The following GABRA2 variants were observed in gnomAD, a reference collection of about 807,000 sequenced individuals.
GABRA2 encodes the protein gamma-aminobutyric acid type A receptor subunit alpha2.
Under a neutral mutation model 48.7 loss-of-function variants are expected in GABRA2, and 16 were observed. The ratio of observed to expected loss-of-function variants is 0.33; its 90% confidence interval spans 0.22 to 0.50. The LOEUF is 0.50. GABRA2 is among the 20% of genes least tolerant of loss of function. The probability of loss-of-function intolerance (pLI) is 0.98; values close to 1 mark genes in which losing one functional copy is unlikely to be tolerated. For missense variants in GABRA2, 275 were observed against 535.6 expected (o/e 0.51, Z 4.80); for synonymous variants, 185 against 184.5 (o/e 1.00, Z -0.02).
chr4:46,263,508 T>C (rs990349754), intron 8 of GABRA2, among the ~76,000 whole-genome samples: 1 of 152,136 alleles, frequency 6.6e-6, no homozygotes, highest in Non-Finnish European at 1.5e-5. Flanking sequence ...CATTAAATTA[T>C]CTTGGACACT....
chr4:46,301,319 T>C (rs1252033670), intron 8 of GABRA2, among the ~76,000 whole-genome samples: 1 of 152,108 alleles, frequency 6.6e-6, no homozygotes, highest in African/African-American at 2.4e-5. Flanking sequence ...AACAAAATGG[T>C]TTTGAAAAAG....
intron 8 of GABRA2, among the ~76,000 whole-genome samples, chr4:46,277,584 G>A (rs1259678831): frequency 1.3e-5 from 2 of 152,098 alleles, no homozygotes; most frequent in Non-Finnish European, 2.9e-5. Flanking sequence ...CTTTAGCTTG[G>A]ACAAGCTGGA....
At chr4:46,348,761 T>A (rs555336204) in intron 3 of GABRA2, among the ~76,000 whole-genome samples, 4,541 of 112,456 alleles carry the variant, frequency 0.04, 92 homozygotes, top group Middle Eastern at 0.095. Context: ...AACATCACAC[T>A]CCGGGGACTG....
At chr4:46,301,855 A>G (rs1725800410) in intron 8 of GABRA2, among the ~76,000 whole-genome samples, 1 of 152,176 alleles carries the variant, frequency 6.6e-6, no homozygotes, top group Non-Finnish European at 1.5e-5. Context: ...TACAGTATCT[A>G]ACAAAATAAG....
intron 8 of GABRA2, among the ~76,000 whole-genome samples, chr4:46,264,388 T>C (rs1323058509): frequency 6.6e-6 from 1 of 152,106 alleles, no homozygotes; most frequent in Non-Finnish European, 1.5e-5. Flanking sequence ...GACATCTGTG[T>C]CTTATTTCTG....
rs1428563223 is a variant in GABRA2, at chr4:46,243,710, T to C, written c.*6598A>G. 1 of 151,418 alleles carries C rather than the reference T, an allele frequency of 6.6e-6. No individual in the cohort carries two copies. The highest frequency in any genetic ancestry group is 1.5e-5 in the Non-Finnish European group (1 of 67,576). The allele number at this position is 151,418 out of a possible 1,614,324, so 9.4% of individuals were successfully genotyped here. On this transcript the variant is annotated 3_prime_UTR_variant, in exon 10 of 10. Coordinates refer to ENST00000381620, the MANE Select transcript of GABRA2 (RefSeq NM_000807.4). ...ACAACAAGGTCACAATTACAAATAT[T>C]AGTTCTTGAGTTATTTTCATGAACC...
intron 3 of GABRA2, among the ~76,000 whole-genome samples, chr4:46,355,577 A>G (rs1260847834): frequency 1.3e-5 from 2 of 152,194 alleles, no homozygotes; most frequent in East Asian, 1.9e-4. Flanking sequence ...GAATTGTTAC[A>G]AGTGCCAAGC....
At chr4:46,310,140 A>T (rs1383021838) in intron 6 of GABRA2, 33 bp downstream of exon 6, 1 of 1,533,256 alleles carries the variant, frequency 6.5e-7, no homozygotes, top group Non-Finnish European at 9.0e-7. Flanking sequence ...GATATTATTG[A>T]CCCAAAACAT....
At chr4:46,288,675 T>C (rs113154134) in intron 8 of GABRA2, among the ~76,000 whole-genome samples, 1,825 of 152,140 alleles carry the variant, frequency 0.012, 41 homozygotes, top group African/African-American at 0.042. Flanking sequence ...ATGATGAAGA[T>C]GATAAAAGCA....
At chr4:46,299,551 C>T (rs980870488) in intron 8 of GABRA2, among the ~76,000 whole-genome samples, 1 of 151,444 alleles carries the variant, frequency 6.6e-6, no homozygotes, top group Non-Finnish European at 1.5e-5. Flanking sequence ...TAATAAAAAG[C>T]ATATTTCCAA....
intron 9 of GABRA2, among the ~76,000 whole-genome samples, chr4:46,258,652 G>A (rs1373306656): frequency 2.6e-5 from 4 of 151,708 alleles, no homozygotes; most frequent in African/African-American, 9.7e-5. Flanking sequence ...AACAGAAAAT[G>A]AATAGTGGCA....
At chr4:46,362,813 T>G (rs1158328104) in intron 3 of GABRA2, among the ~76,000 whole-genome samples, 1 of 152,218 alleles carries the variant, frequency 6.6e-6, no homozygotes, top group Non-Finnish European at 1.5e-5. Context: ...TGGCAAAAGA[T>G]AGTAAAGTTA....
Position 46,312,534 on chromosome 4 carries a change from A to C in GABRA2, c.438T>G (p.Leu146=), listed in dbSNP as rs1727825733. The C allele has an allele frequency of 1.2e-6, 2 of 1,607,448 alleles. No homozygotes were observed. The highest frequency in any genetic ancestry group is 3.4e-5 in the Admixed American group (2 of 58,542). The part of the protein sequence containing the change: ...AHNMTMPNKL[L]RIQDDGTLLY... Reference sequence around the variant, plus strand: ...GCAGAGTCCCATCATCCTGAATTCGAAGCAACTTATTTGGCATTGTCATAT... The same window carrying C: ...GCAGAGTCCCATCATCCTGAATTCGCAGCAACTTATTTGGCATTGTCATAT... The change falls in exon 5 of 10, where the codon CTT becomes CTG. Residue 146 remains leucine, a synonymous_variant. Transcript: ENST00000381620.
intron 3 of GABRA2, among the ~76,000 whole-genome samples, chr4:46,349,076 AT>A (rs1734679106): frequency 6.6e-6 from 1 of 151,984 alleles, no homozygotes; most frequent in Non-Finnish European, 1.5e-5. Context: ...GATTGTTGGC[AT>A]TTTTTAGCAA....
chr4:46,267,202 T>C (rs1718422520), intron 8 of GABRA2, among the ~76,000 whole-genome samples: 1 of 152,136 alleles, frequency 6.6e-6, no homozygotes, highest in South Asian at 2.1e-4. Flanking sequence ...TTGAGGTAAC[T>C]GATTTTTCTT....
intron 2 of GABRA2, 137 bp from the exon 3 acceptor site, chr4:46,386,326 T>A: frequency 5.1e-6 from 3 of 584,168 alleles, no homozygotes; most frequent in Non-Finnish European, 5.9e-6. Flanking sequence ...TTTTTTTAAC[T>A]TCTATAAATA....
At chr4:46,262,944 AAGAAAGAAAGAAAGAGAGAG>A (rs1445875498) in intron 8 of GABRA2, among the ~76,000 whole-genome samples, 1 of 87,056 alleles carries the variant, frequency 1.1e-5, no homozygotes, top group Non-Finnish European at 2.2e-5. Flanking sequence ...AGAAGAAAGA[AAGAAAGAAAGAAAGAGAGAG>A]AGAGAGAGAG....
intron 8 of GABRA2, among the ~76,000 whole-genome samples, chr4:46,269,230 A>G (rs1718831233): frequency 6.6e-6 from 1 of 151,922 alleles, no homozygotes. Context: ...ATTAGAGGTG[A>G]CAGATATATT....
chr4:46,359,641 A>T (rs998344354), intron 3 of GABRA2, among the ~76,000 whole-genome samples: 9 of 152,132 alleles, frequency 5.9e-5, no homozygotes, highest in African/African-American at 2.2e-4. Flanking sequence ...TTTTATTTTT[A>T]TATTACAATG....
Sources: allele counts gnomAD v4.1 joint callset (sites outside exome capture counted in the v4.1 genomes callset), GRCh38; gene constraint gnomAD v4.1.1; transcripts MANE v1.5; gene names NCBI Gene and HGNC (gene_info 2026-07-23, HGNC 2026-07-21).